CCDC6: variants seen among roughly 807,000 people sequenced by gnomAD.
CCDC6 encodes the protein coiled-coil domain-containing protein 6.
In CCDC6, 20 loss-of-function variants were observed where a neutral mutation model predicts 56.6. The ratio of observed to expected loss-of-function variants is 0.35; its 90% CI spans 0.25 to 0.51. The LOEUF (loss-of-function observed/expected upper bound fraction) is 0.51, where lower values mean the gene tolerates loss of function less well. Ranked by LOEUF, CCDC6 falls within the 20% of genes least tolerant of loss-of-function variation. The probability of loss-of-function intolerance (pLI) is 0.95; values close to 1 mark genes in which losing one functional copy is unlikely to be tolerated. For synonymous variants in CCDC6, 241 were observed against 234.4 expected, an observed-to-expected ratio of 1.03 and a Z score of -0.26; for missense variants, 367 against 601.1, an observed-to-expected ratio of 0.61 and a Z score of 4.07.
chr10:59,906,408 C>A lies in CCDC6; in HGVS notation c.17G>T (p.Ser6Ile). 6.4e-7 allele frequency: 1 copy of A among 1,557,610 alleles called. No individual in the cohort carries two copies. The change falls in exon 1 of 9, where the codon AGC (serine) becomes ATC (isoleucine). Residue 6 changes from serine to isoleucine, a missense_variant. Coordinates refer to ENST00000263102, the MANE Select transcript of CCDC6 (RefSeq NM_005436.5). Reference sequence around the variant, plus strand: ...CCCCGCCCCGTCCGTGTCGCTCTCGCTGGCGCTGTCCGCCATGGCCGCGGC... The same window carrying A: ...CCCCGCCCCGTCCGTGTCGCTCTCGATGGCGCTGTCCGCCATGGCCGCGGC... MADSA[S>I]ESDTDGAGGN...
chr10:59,816,446 G>T (rs1392480225), intron 3 of CCDC6, among the ~76,000 whole-genome samples: 2 of 152,142 alleles, frequency 1.3e-5, no homozygotes, highest in African/African-American at 4.8e-5. Context: ...GCATTGGGGG[G>T]AGACTCCTGT....
intron 1 of CCDC6, among the ~76,000 whole-genome samples, chr10:59,859,964 C>G (rs1226693666): frequency 6.6e-6 from 1 of 152,210 alleles, no homozygotes; most frequent in Non-Finnish European, 1.5e-5. Context: ...CGCCTATAAT[C>G]CCAGCTACTC....
At chr10:59,875,735 T>C (rs1400076764) in intron 1 of CCDC6, among the ~76,000 whole-genome samples, 1 of 152,220 alleles carries the variant, frequency 6.6e-6, no homozygotes, top group Non-Finnish European at 1.5e-5. Context: ...TTCTGGAGAA[T>C]GCAAAGGTTT....
At chr10:59,814,481 A>G (rs187982180) in intron 4 of CCDC6, among the ~76,000 whole-genome samples, 171 bp downstream of exon 4, 1 of 152,338 alleles carries the variant, frequency 6.6e-6, no homozygotes, top group African/African-American at 2.4e-5. Flanking sequence ...GAGGTGCCCA[A>G]CATGGGAATA....
intron 7 of CCDC6, among the ~76,000 whole-genome samples, chr10:59,799,886 T>A (rs1230413973): frequency 6.6e-6 from 1 of 152,132 alleles, no homozygotes; most frequent in Non-Finnish European, 1.5e-5. Flanking sequence ...TGCAAGGTTG[T>A]CATGAGGATG....
intron 1 of CCDC6, among the ~76,000 whole-genome samples, chr10:59,868,397 A>G (rs1393811517): frequency 6.6e-6 from 1 of 152,096 alleles, no homozygotes; most frequent in Non-Finnish European, 1.5e-5. Flanking sequence ...GCCCACCACC[A>G]CTGGGCCATG....
chr10:59,859,193 T>TGTGC (rs1554885832), intron 1 of CCDC6, among the ~76,000 whole-genome samples: 196 of 118,118 alleles, frequency 1.7e-3, no homozygotes, highest in African/African-American at 4.8e-3. Context: ...AAAATACATG[T>TGTGC]GTGTGCGTGT....
chr10:59,899,598 G>A (rs903023746), intron 1 of CCDC6, among the ~76,000 whole-genome samples: 1 of 152,044 alleles, frequency 6.6e-6, no homozygotes, highest in African/African-American at 2.4e-5. Flanking sequence ...TTGCATTACT[G>A]CATCCCCCTG....
intron 7 of CCDC6, among the ~76,000 whole-genome samples, chr10:59,800,002 A>G (rs1260350652): frequency 6.6e-6 from 1 of 152,230 alleles, no homozygotes; most frequent in Non-Finnish European, 1.5e-5. Context: ...AAAGCTCTCT[A>G]AGCTGGTCGC....
At chr10:59,824,556 T>C (rs2070771848) in intron 3 of CCDC6, among the ~76,000 whole-genome samples, 1 of 152,146 alleles carries the variant, frequency 6.6e-6, no homozygotes, top group Admixed American at 6.6e-5. Context: ...GACTTCAGGG[T>C]TTACTATGAT....
chr10:59,850,732 A>AGAT (rs986202360), intron 2 of CCDC6, among the ~76,000 whole-genome samples: 6 of 152,096 alleles, frequency 3.9e-5, no homozygotes, highest in African/African-American at 1.4e-4. Flanking sequence ...CTACTGTTTT[A>AGAT]GATATAAGAA....
intron 1 of CCDC6, among the ~76,000 whole-genome samples, chr10:59,879,117 G>C (rs2071309661): frequency 2.6e-5 from 4 of 152,150 alleles, no homozygotes; most frequent in Admixed American, 2.6e-4. Flanking sequence ...GGTCAAGTGT[G>C]ATTACGCAAT....
intron 2 of CCDC6, among the ~76,000 whole-genome samples, chr10:59,846,994 T>C (rs867661374): frequency 2.0e-5 from 3 of 152,198 alleles, no homozygotes; most frequent in Admixed American, 6.5e-5. Context: ...TCTGAGATAA[T>C]TGATAAGTCT....
At chr10:59,823,462 G>C (rs935582113) in intron 3 of CCDC6, among the ~76,000 whole-genome samples, 3 of 152,200 alleles carry the variant, frequency 2.0e-5, no homozygotes, top group Admixed American at 6.5e-5. Context: ...CTGGAGTTGA[G>C]AGTGGTGGGC....
Position 59,885,048 on chromosome 10 carries a change from A to G in CCDC6, c.303+21074T>C, listed in dbSNP as rs1170786793. ...CACCGCACTCCAGCCTGGGTGACAG[A>G]GCGAGACTCCGTAACAACAACAACA... On this transcript the variant is annotated intron_variant, in intron 1 of 8. Transcript: ENST00000263102. 3.9e-5 allele frequency among the ~76,000 whole-genome samples: 5 copies of G among 128,994 alleles called. No homozygotes were observed. The Admixed American group carries it at 4.2e-4, about 11-fold the overall frequency. 84.6% of individuals were successfully genotyped at this position (128,994 alleles called of 152,430 possible). A position where few individuals can be genotyped will look rare whatever the true frequency, so the allele number is the denominator to read the frequency against.
chr10:59,894,244 C>G (rs2071445031), intron 1 of CCDC6, among the ~76,000 whole-genome samples: 1 of 152,212 alleles, frequency 6.6e-6, no homozygotes, highest in Non-Finnish European at 1.5e-5. Flanking sequence ...TAGTGAGCTC[C>G]TGAAGGGAAT....
chr10:59,885,918 C>CAT (rs2071379996), intron 1 of CCDC6, among the ~76,000 whole-genome samples: 1 of 69,330 alleles, frequency 1.4e-5, no homozygotes, highest in Admixed American at 1.6e-4. Flanking sequence ...CAACCCCGCC[C>CAT]CCCGCCCCCC....
chr10:59,864,717 C>T (rs1012284541), intron 1 of CCDC6, among the ~76,000 whole-genome samples: 1 of 152,010 alleles, frequency 6.6e-6, no homozygotes, highest in Non-Finnish European at 1.5e-5. Context: ...CTCACATGGC[C>T]GCATTCAGGG....
intron 1 of CCDC6, among the ~76,000 whole-genome samples, chr10:59,883,607 A>C (rs2071362304): frequency 1.3e-5 from 2 of 152,240 alleles, no homozygotes; most frequent in African/African-American, 4.8e-5. Context: ...TTTTACTGGA[A>C]GGTTACTCAA....
Sources: gnomAD v4.1 joint callset for allele counts (sites outside exome capture counted in the v4.1 genomes callset) on GRCh38, gnomAD v4.1.1 for gene constraint, MANE v1.5 for transcripts, NCBI Gene and HGNC (gene_info 2026-07-23, HGNC 2026-07-21) for gene names.